Variants in LIMCH1 observed in about 807,000 individuals in gnomAD.
The protein encoded by LIMCH1 is LIM and calponin homology domains 1, also known as LIM and calponin homology domains-containing protein 1.
A neutral mutation model predicts 176.5 loss-of-function variants in LIMCH1; 113 were observed. That is an observed-to-expected ratio of 0.64 (90% CI 0.55 to 0.75). The LOEUF (loss-of-function observed/expected upper bound fraction) is 0.75, where lower values mean the gene tolerates loss of function less well. Among genes scored for constraint, LIMCH1 ranks in the 30% least tolerant of loss-of-function variants. LIMCH1 has a pLI of 0.00. For missense variants in LIMCH1, 1,674 were observed against 1,814.9 expected, an observed-to-expected ratio of 0.92 and a Z score of 1.41; for synonymous variants, 619 against 645.9, an observed-to-expected ratio of 0.96 and a Z score of 0.63.
At chr4:41,530,115 C>G (rs529462941) in intron 3 of LIMCH1, among the ~76,000 whole-genome samples, 1 of 152,260 alleles carries the variant, frequency 6.6e-6, no homozygotes, top group South Asian at 2.1e-4. Flanking sequence ...AGAACAGTTG[C>G]CATTTCATCG....
intron 18 of LIMCH1, among the ~76,000 whole-genome samples, chr4:41,659,994 TG>T (rs2094566596): frequency 6.6e-6 from 1 of 152,092 alleles, no homozygotes; most frequent in African/African-American, 2.4e-5. Flanking sequence ...ATAAAATGTA[TG>T]TAAAGAGAAG....
At chr4:41,566,403 C>T (rs561180365) in intron 1 of LIMCH1, among the ~76,000 whole-genome samples, 4 of 151,996 alleles carry the variant, frequency 2.6e-5, no homozygotes, top group Non-Finnish European at 5.9e-5. Flanking sequence ...ATTGAAATTA[C>T]TCCTTGATCC....
chr4:41,524,536 C>A, intron 3 of LIMCH1: 1 of 1,202,178 alleles, frequency 8.3e-7, no homozygotes, highest in South Asian at 1.2e-5. Context: ...ACCTAGGGGT[C>A]ATGACAGCAC....
Position 41,602,124 on chromosome 4 carries a change from CAAAAAAAA to C in LIMCH1, c.-133-1731_-133-1724del, listed in dbSNP as rs540240960. Among the ~76,000 whole-genome samples the C allele has an allele frequency of 2.3e-4, 17 of 73,296 alleles. No homozygotes were observed. The South Asian group carries it at 4.1e-3, about 18-fold the overall frequency. The allele number at this position is 73,296 out of a possible 152,430, so 48.1% of individuals were successfully genotyped here. On this transcript the variant is annotated intron_variant, in intron 2 of 31. Coordinates refer to ENST00000503057, the MANE Select transcript of LIMCH1 (RefSeq NM_001330672.2). ...TCTTTTAGAAGAAACTTGAGTAGAC[CAAAAAAAA>C]AAAAAAAAAAAAAAAAAAAGAGGAA...
At chr4:41,379,749 C>G (rs2055352342) in intron 1 of LIMCH1, among the ~76,000 whole-genome samples, 1 of 152,128 alleles carries the variant, frequency 6.6e-6, no homozygotes, top group South Asian at 2.1e-4. Flanking sequence ...AAGATATTCT[C>G]TCTAGATATA....
intron 1 of LIMCH1, among the ~76,000 whole-genome samples, chr4:41,579,643 A>G (rs2085072822): frequency 6.6e-6 from 1 of 152,174 alleles, no homozygotes; most frequent in South Asian, 2.1e-4. Flanking sequence ...TTTAGTTTCA[A>G]AAATATTCTT....
intron 2 of LIMCH1, among the ~76,000 whole-genome samples, chr4:41,601,946 A>G (rs562667985): frequency 2.6e-5 from 4 of 152,064 alleles, no homozygotes; most frequent in Non-Finnish European, 4.4e-5. Context: ...ATTGCCACCA[A>G]TTACTAGCGG....
At chr4:41,520,464 C>T (rs1041498033) in intron 2 of LIMCH1, among the ~76,000 whole-genome samples, 4 of 152,146 alleles carry the variant, frequency 2.6e-5, no homozygotes, top group South Asian at 2.1e-4. Context: ...AGTACTACTG[C>T]GTGGCCTACT....
At chr4:41,403,556 G>A (rs138789875) in intron 1 of LIMCH1, among the ~76,000 whole-genome samples, 2 of 152,114 alleles carry the variant, frequency 1.3e-5, no homozygotes, top group African/African-American at 4.8e-5. Flanking sequence ...ACTCCAGCCT[G>A]GGTGACACAG....
At chr4:41,682,492 G>A (rs1716801950) in intron 26 of LIMCH1, 32 bp downstream of exon 26, 1 of 1,605,266 alleles carries the variant, frequency 6.2e-7, no homozygotes, top group South Asian at 1.1e-5. Context: ...CCATGAAAAT[G>A]TACAAAGCTG....
At chr4:41,554,930 G>A (rs1024097118) in intron 1 of LIMCH1, among the ~76,000 whole-genome samples, 5 of 152,174 alleles carry the variant, frequency 3.3e-5, no homozygotes, top group Non-Finnish European at 4.4e-5. Context: ...TTGCAGAAGG[G>A]TAGGGTGGAT....
In LIMCH1 at chr4:41,626,973, A is replaced by C; in HGVS notation, c.991A>C (p.Lys331Gln). The C allele has an allele frequency of 6.5e-7, 1 of 1,535,492 alleles. No homozygotes were observed. Among genetic ancestry groups the C allele is most frequent in the Non-Finnish European group, 8.7e-7 (1 of 1,146,738 alleles). The change falls in exon 8 of 32, where the codon AAG (lysine) becomes CAG (glutamine). Residue 331 changes from lysine to glutamine, a missense_variant. Around this residue, in one of 3 missense-constraint regions of LIMCH1, gnomAD observed 655 missense variants for 692.2 expected, o/e 0.95. Transcript: ENST00000503057. ...ATCAGATGGCAGCAAACAGCTCTCA[A>C]AGGGAATCTCAAAAAAAAGAAGTCT... ...EKSDGSKQLSKGISKKRSLEY... is the reference protein window; with the variant it reads ...EKSDGSKQLSQGISKKRSLEY...
intron 2 of LIMCH1, among the ~76,000 whole-genome samples, chr4:41,509,555 A>G (rs2154183373): frequency 6.6e-6 from 1 of 152,214 alleles, no homozygotes; most frequent in South Asian, 2.1e-4. Flanking sequence ...TGGCACCAAG[A>G]CTCATTAAGC....
chr4:41,419,337 C>T (rs187076203), intron 1 of LIMCH1, among the ~76,000 whole-genome samples: 1,946 of 152,010 alleles, frequency 0.013, 134 homozygotes, highest in Admixed American at 0.11. Flanking sequence ...ACCACCACAT[C>T]CTGCTAATTT....
chr4:41,451,331 G>T (rs1284769178), intron 1 of LIMCH1, among the ~76,000 whole-genome samples: 2 of 148,520 alleles, frequency 1.3e-5, no homozygotes, highest in South Asian at 2.1e-4. Flanking sequence ...TCTCCATGTT[G>T]GTCAGGCTGA....
intron 1 of LIMCH1, among the ~76,000 whole-genome samples, chr4:41,555,828 G>A (rs189670158): frequency 2.6e-5 from 4 of 152,170 alleles, no homozygotes; most frequent in Middle Eastern, 3.4e-3. Flanking sequence ...TCACAACCTC[G>A]ACCTCCCAGG....
intron 19 of LIMCH1, 74 bp from the exon 20 acceptor site, chr4:41,662,747 T>G: frequency 1.3e-6 from 2 of 1,493,162 alleles, no homozygotes; most frequent in South Asian, 2.4e-5. Flanking sequence ...TTCATGGCAT[T>G]GCAGAATAAA....
chr4:41,465,981 CAG>C (rs1300527624), intron 1 of LIMCH1, among the ~76,000 whole-genome samples: 6 of 111,824 alleles, frequency 5.4e-5, no homozygotes, highest in African/African-American at 1.8e-4. Flanking sequence ...TTTTTTGAGT[CAG>C]AGTCTCGCTC....
chr4:41,553,402 G>A (rs954189380), intron 1 of LIMCH1, among the ~76,000 whole-genome samples: 3 of 152,296 alleles, frequency 2.0e-5, no homozygotes, highest in Admixed American at 2.0e-4. Context: ...AGACTTACAG[G>A]AGGTGAGTCT....
Sources: gnomAD v4.1 joint callset for allele counts (sites outside exome capture counted in the v4.1 genomes callset) on GRCh38, gnomAD v4.1.1 for gene constraint, gnomAD v4.1.1 regional missense constraint, MANE v1.5 for transcripts, NCBI Gene and HGNC (gene_info 2026-07-23, HGNC 2026-07-21) for gene names.